NUDT3: variants seen among roughly 807,000 people sequenced by gnomAD.
NUDT3 encodes nudix hydrolase 3.
NUDT3 carries 9 observed loss-of-function variants against 23.6 expected under a neutral mutation model. The observed-to-expected ratio is 0.38, with a 90% confidence interval of 0.23 to 0.66. The LOEUF (loss-of-function observed/expected upper bound fraction) is 0.66. Among genes scored for constraint, NUDT3 ranks in the 30% least tolerant of loss-of-function variants. NUDT3 has a pLI of 0.52. For missense variants in NUDT3, 172 were observed against 218.5 expected (o/e 0.79, Z 1.34); for synonymous variants, 86 against 82.6 (o/e 1.04, Z -0.22).
intron 2 of NUDT3, among the ~76,000 whole-genome samples, chr6:34,303,375 G>A (rs538860221): frequency 7.3e-5 from 11 of 151,402 alleles, no homozygotes; most frequent in Admixed American, 2.6e-4. Context: ...TTTTTCTTTC[G>A]TTTTCTAAGT....
intron 1 of NUDT3, among the ~76,000 whole-genome samples, chr6:34,389,788 C>T (rs1476303373): frequency 6.6e-6 from 1 of 152,024 alleles, no homozygotes; most frequent in Non-Finnish European, 1.5e-5. Context: ...ACGGTAACAA[C>T]CCATCTCTAC....
At chr6:34,290,332 G>A (rs1383840494) in intron 4 of NUDT3, among the ~76,000 whole-genome samples, 2 of 149,128 alleles carry the variant, frequency 1.3e-5, no homozygotes, top group African/African-American at 2.5e-5. Context: ...TCCCGAACAC[G>A]AGGGATCTTC....
chr6:34,375,368 TA>T (rs1055680865), intron 1 of NUDT3, among the ~76,000 whole-genome samples: 2 of 151,834 alleles, frequency 1.3e-5, no homozygotes, highest in Non-Finnish European at 2.9e-5. Flanking sequence ...AAATAAAAAA[TA>T]AAAAAGTTAC....
intron 2 of NUDT3, among the ~76,000 whole-genome samples, chr6:34,307,297 G>A (rs781316299): frequency 1.4e-4 from 21 of 152,086 alleles, no homozygotes; most frequent in Non-Finnish European, 2.8e-4. Context: ...AAAAAGTTGA[G>A]GCCAGGTGTG....
rs756860320 is a variant in NUDT3, at chr6:34,392,393, G to A, written c.-31C>T. 1.9e-5 allele frequency: 30 copies of A among 1,558,744 alleles called. No individual in the cohort carries two copies. The East Asian group carries it at 2.6e-4, about 14-fold the overall frequency. On this transcript the variant is annotated 5_prime_UTR_variant, in exon 1 of 5. Coordinates refer to ENST00000607016, the MANE Select transcript of NUDT3 (RefSeq NM_006703.4). ...GGGCCCGGGTGGGGGTGCGGTGCGG[G>A]TCGCAGGAGTCGAGGGGTGGGGAGC...
Position 34,319,410 on chromosome 6 carries a change from A to G in NUDT3, c.210+22452T>C, listed in dbSNP as rs182280. Among the ~76,000 whole-genome samples, 348 of 152,348 alleles carry G rather than the reference A, an allele frequency of 2.3e-3. 2 individuals carry two copies. The highest frequency in any genetic ancestry group is 7.9e-3 in the African/African-American group (330 of 41,568). On this transcript the variant is annotated intron_variant, in intron 2 of 4. Coordinates refer to ENST00000607016, the MANE Select transcript of NUDT3 (RefSeq NM_006703.4). Reference sequence around the variant, plus strand: ...GGGCTCAATTGCTAAAGCAGCTCACATAACTCAGGGAAACTCACATTTACC... The same window carrying G: ...GGGCTCAATTGCTAAAGCAGCTCACGTAACTCAGGGAAACTCACATTTACC...
At chr6:34,381,269 G>A (rs1055644629) in intron 1 of NUDT3, among the ~76,000 whole-genome samples, 4 of 151,992 alleles carry the variant, frequency 2.6e-5, no homozygotes, top group South Asian at 2.1e-4. Flanking sequence ...CCTCCCACTC[G>A]GCTTCCCAAA....
intron 2 of NUDT3, among the ~76,000 whole-genome samples, chr6:34,318,639 TCTC>T (rs1437801647): frequency 6.6e-6 from 1 of 152,194 alleles, no homozygotes; most frequent in Non-Finnish European, 1.5e-5. Context: ...ACACAACCAT[TCTC>T]CTATCGGTGG....
chr6:34,366,516 A>AGGGAGGGAGC, intron 1 of NUDT3, among the ~76,000 whole-genome samples: 1 of 48,124 alleles, frequency 2.1e-5, no homozygotes, highest in South Asian at 7.8e-4. Flanking sequence ...AGGGAGGGAG[A>AGGGAGGGAGC]GAAGGTAGTG....
intron 2 of NUDT3, among the ~76,000 whole-genome samples, chr6:34,338,118 TGC>T (rs112140004): frequency 6.6e-6 from 1 of 152,180 alleles, no homozygotes; most frequent in Non-Finnish European, 1.5e-5. Context: ...CTTCAGGGTG[TGC>T]CTACACCCTT....
chr6:34,305,078 G>T (rs1005140267), intron 2 of NUDT3, among the ~76,000 whole-genome samples: 1 of 149,432 alleles, frequency 6.7e-6, no homozygotes, highest in African/African-American at 2.5e-5. Flanking sequence ...CATCTTCCAG[G>T]TTCAATCAGT....
At chr6:34,370,497 T>C (rs539557968) in intron 1 of NUDT3, among the ~76,000 whole-genome samples, 5 of 152,302 alleles carry the variant, frequency 3.3e-5, no homozygotes, top group African/African-American at 1.2e-4. Flanking sequence ...CCACTCCTAA[T>C]TGCACAGAAA....
intron 2 of NUDT3, among the ~76,000 whole-genome samples, chr6:34,327,130 G>T (rs1487251111): frequency 6.6e-6 from 1 of 152,064 alleles, no homozygotes; most frequent in Non-Finnish European, 1.5e-5. Context: ...GATTGATAAG[G>T]TCAAGCAAGT....
intron 2 of NUDT3, among the ~76,000 whole-genome samples, chr6:34,296,131 T>C (rs1008064932): frequency 6.6e-6 from 1 of 152,224 alleles, no homozygotes; most frequent in Non-Finnish European, 1.5e-5. Flanking sequence ...TAGCCAGTCA[T>C]GGCAGCATGT....
chr6:34,307,762 G>A (rs537170218), intron 2 of NUDT3, among the ~76,000 whole-genome samples: 51 of 152,208 alleles, frequency 3.4e-4, no homozygotes, highest in East Asian at 2.5e-3. Flanking sequence ...TGGACAGAAA[G>A]CTATCAAACA....
rs1763271310 is a variant in NUDT3 at position 34,280,763 on chromosome 6, G to C, written c.*7990C>G. Reference sequence around the variant, plus strand: ...GTCCTGATGGAAATGAACAGCAGCAGAGTTCTGGTGGGATAGAGCAGTCTA... The same window carrying C: ...GTCCTGATGGAAATGAACAGCAGCACAGTTCTGGTGGGATAGAGCAGTCTA... On this transcript the variant is annotated 3_prime_UTR_variant, in exon 5 of 5. Transcript: ENST00000607016. 2 of 152,350 alleles carry C rather than the reference G, an allele frequency of 1.3e-5. No individual in the cohort carries two copies. The highest frequency in any genetic ancestry group is 1.9e-4 in the East Asian group (1 of 5,186). The allele number at this position is 152,350 out of a possible 1,614,324, so 9.4% of individuals were successfully genotyped here. A position where few individuals can be genotyped will look rare whatever the true frequency, so the allele number is the denominator to read the frequency against.
chr6:34,345,234 G>T (rs558301742), intron 1 of NUDT3, among the ~76,000 whole-genome samples: 5 of 151,656 alleles, frequency 3.3e-5, no homozygotes, highest in Non-Finnish European at 7.4e-5. Context: ...ATTTTTAGTA[G>T]AGACGGGGTT....
At chr6:34,371,925 G>C (rs1351896250) in intron 1 of NUDT3, among the ~76,000 whole-genome samples, 2 of 152,154 alleles carry the variant, frequency 1.3e-5, no homozygotes, top group African/African-American at 4.8e-5. Context: ...CCCGGTGTGT[G>C]ATGTTCCCCA....
intron 3 of NUDT3, among the ~76,000 whole-genome samples, chr6:34,294,892 G>A (rs528003481): frequency 1.8e-4 from 27 of 152,006 alleles, no homozygotes; most frequent in Non-Finnish European, 2.9e-4. Context: ...TTCCCAAAAC[G>A]CTGGGATTAT....
Sources: gnomAD v4.1 joint callset for allele counts (sites outside exome capture counted in the v4.1 genomes callset) on GRCh38, gnomAD v4.1.1 for gene constraint, MANE v1.5 for transcripts, NCBI Gene and HGNC (gene_info 2026-07-23, HGNC 2026-07-21) for gene names.